PPP1R36: variants seen among roughly 807,000 people sequenced by gnomAD.
PPP1R36 encodes chromosome 14 open reading frame 50.
Under a neutral mutation model 53.4 loss-of-function variants are expected in PPP1R36, and 47 were observed. The observed-to-expected ratio is 0.88, with a 90% confidence interval of 0.70 to 1.12. PPP1R36 has a LOEUF of 1.12. Ranked by LOEUF, PPP1R36 falls within the 50% of genes most tolerant of loss-of-function variation. The pLI is 0.00. For missense variants in PPP1R36, 456 were observed against 513.9 expected (o/e 0.89, Z 1.09); for synonymous variants, 153 against 170.5 (o/e 0.90, Z 0.80).
chr14:64,550,003 C>G lies in PPP1R36; in HGVS notation c.6C>G (p.Tyr2Ter), dbSNP rs141338206. The change falls in exon 1 of 12, where the codon TAC becomes TAG. Residue 2 changes from tyrosine (Y) to a stop codon, truncating the protein, a stop_gained. Coordinates refer to ENST00000298705, the MANE Select transcript of PPP1R36 (RefSeq NM_172365.3). LOFTEE classifies it high-confidence loss of function. ...ATGGCTTCCAGGGCGAGGCCATGTA[C>G]CGGGTGCCCGAGTTTTATGCGAGGA... The part of the protein sequence containing the change: M[Y>*]RVPEFYARRK... The G allele has an allele frequency of 1.9e-6, 3 of 1,569,926 alleles. No individual in the cohort carries two copies. Among genetic ancestry groups the G allele is most frequent in the East Asian group, 4.7e-5 (2 of 42,314 alleles).
intron 6 of PPP1R36, among the ~76,000 whole-genome samples, chr14:64,566,468 C>T (rs1012247560): frequency 1.3e-5 from 2 of 151,256 alleles, no homozygotes; most frequent in African/African-American, 4.9e-5. Flanking sequence ...AAGATATACC[C>T]ATTTACTGAA....
At chr14:64,587,990 C>T (rs569964497) in intron 10 of PPP1R36, 114 bp from the exon 11 acceptor site, 9 of 990,522 alleles carry the variant, frequency 9.1e-6, no homozygotes, top group East Asian at 7.7e-5. Context: ...GTGATCCTCC[C>T]GCCTTGATCT....
intron 2 of PPP1R36, chr14:64,551,536 ACTAT>A: frequency 4.5e-6 from 2 of 449,404 alleles, no homozygotes; most frequent in South Asian, 1.6e-5. Context: ...AATACTAGAC[ACTAT>A]CTGTTGTGCA....
Position 64,572,446 on chromosome 14 carries a change from G to A in PPP1R36, c.534-2009G>A, listed in dbSNP as rs2080310484. Among the ~76,000 whole-genome samples the A allele has an allele frequency of 3.9e-5, 6 of 152,186 alleles. No homozygotes were observed. In the South Asian group the frequency reaches 1.0e-3, roughly 26 times the overall value. On this transcript the variant is annotated intron_variant, in intron 7 of 11. Coordinates refer to ENST00000298705, the MANE Select transcript of PPP1R36 (RefSeq NM_172365.3). ...AATGGTTTCCAGACACAGAAATGTG[G>A]TGCAAACAGGCCACCTCTGCCTGGA...
chr14:64,566,863 C>T (rs2080262168), intron 6 of PPP1R36, among the ~76,000 whole-genome samples: 1 of 152,200 alleles, frequency 6.6e-6, no homozygotes, highest in Non-Finnish European at 1.5e-5. Context: ...ATTCAGTGCC[C>T]TGCTGGTGGA....
At chr14:64,555,829 ATCT>A (rs375994282) in intron 3 of PPP1R36, among the ~76,000 whole-genome samples, 1,744 of 147,842 alleles carry the variant, frequency 0.012, 20 homozygotes, top group South Asian at 0.034. Context: ...AGCTTTCCAA[ATCT>A]TCTTCTGATT....
chr14:64,570,784 G>T (rs1430741805), intron 7 of PPP1R36, among the ~76,000 whole-genome samples: 1 of 152,216 alleles, frequency 6.6e-6, no homozygotes, highest in African/African-American at 2.4e-5. Context: ...AAAGGGTGAA[G>T]ATGGATGGCA....
chr14:64,585,237 C>T (rs1010279197), intron 8 of PPP1R36, among the ~76,000 whole-genome samples: 2 of 152,114 alleles, frequency 1.3e-5, no homozygotes, highest in Non-Finnish European at 2.9e-5. Context: ...AGAAGCAGGC[C>T]GGGCACCTTG....
At chr14:64,572,709 G>C (rs747865678) in intron 7 of PPP1R36, among the ~76,000 whole-genome samples, 2 of 152,226 alleles carry the variant, frequency 1.3e-5, no homozygotes, top group African/African-American at 4.8e-5. Context: ...TATCCCCAGT[G>C]ATTCTTTCAT....
intron 7 of PPP1R36, among the ~76,000 whole-genome samples, chr14:64,569,800 G>A (rs1288874901): frequency 6.6e-6 from 1 of 150,638 alleles, no homozygotes; most frequent in Non-Finnish European, 1.5e-5. Context: ...GTGCAGTGGT[G>A]CAATCTCGGC....
chr14:64,560,873 G>T (rs1193098236), intron 3 of PPP1R36, among the ~76,000 whole-genome samples: 1 of 152,198 alleles, frequency 6.6e-6, no homozygotes, highest in African/African-American at 2.4e-5. Flanking sequence ...TCTGAGCCTT[G>T]AATATAAATT....
intron 11 of PPP1R36, 130 bp from the exon 12 acceptor site, chr14:64,589,022 G>A (rs1456661050): frequency 3.3e-6 from 2 of 610,652 alleles, no homozygotes; most frequent in Admixed American, 7.3e-5. Flanking sequence ...TAAAAAGAGA[G>A]AAAGAGTATA....
rs760980169 is a variant in PPP1R36, at chr14:64,552,777, G to A, written c.135-37G>A. On this transcript the variant is annotated intron_variant, in intron 2 of 11. Coordinates refer to ENST00000298705, the MANE Select transcript of PPP1R36 (RefSeq NM_172365.3). ...GTATTTCAGTATTTCTGAGTAACCCGTCACTTCAAAGCAGTAATTTCAGTT... is the reference window on the plus strand; with the variant it reads ...GTATTTCAGTATTTCTGAGTAACCCATCACTTCAAAGCAGTAATTTCAGTT... 2.5e-5 allele frequency: 39 copies of A among 1,583,692 alleles called. No homozygotes were observed. In the South Asian group the frequency reaches 2.7e-4, roughly 11 times the overall value.
At chr14:64,573,519 G>A (rs144924180) in intron 7 of PPP1R36, among the ~76,000 whole-genome samples, 13 of 152,204 alleles carry the variant, frequency 8.5e-5, no homozygotes, top group African/African-American at 2.9e-4. Context: ...GCTGCTAACC[G>A]CCTGAGCAAC....
rs2080277468 is a variant in PPP1R36, at chr14:64,568,414, A to G, written c.500A>G (p.Asn167Ser). The G allele has an allele frequency of 1.3e-6, 2 of 1,564,350 alleles. No individual in the cohort carries two copies. The highest frequency in any genetic ancestry group is 1.7e-6 in the Non-Finnish European group (2 of 1,148,130). ...TACTTATCCCATTACTTGGAAAAAAACTCACTGGAAAAGAAACCCAAAAGC... is the reference window on the plus strand; with the variant it reads ...TACTTATCCCATTACTTGGAAAAAAGCTCACTGGAAAAGAAACCCAAAAGC... ...LYYLSHYLEKNSLEKKPKSYM... is the reference protein window; with the variant it reads ...LYYLSHYLEKSSLEKKPKSYM... Residue 167 changes from asparagine to serine, a missense_variant, in exon 7 of 12, where the codon AAC (asparagine) becomes AGC (serine). By Grantham distance (46) the Asn-to-Ser change is conservative. Transcript: ENST00000298705.
chr14:64,583,621 C>T (rs2080406870), intron 8 of PPP1R36, among the ~76,000 whole-genome samples: 1 of 151,934 alleles, frequency 6.6e-6, no homozygotes, highest in South Asian at 2.1e-4. Flanking sequence ...TTGAGACAGC[C>T]ATGACCAACA....
chr14:64,588,268 G>A lies in PPP1R36; in HGVS notation c.1055G>A (p.Gly352Glu), dbSNP rs148489050. 3 of 1,613,106 alleles carry A rather than the reference G, an allele frequency of 1.9e-6. No homozygotes were observed. Among genetic ancestry groups the A allele is most frequent in the Non-Finnish European group, 2.5e-6 (3 of 1,179,372 alleles). ...RFPAEMQKHV[G>E]TLDSVPMPVV... ...CCAGCCGAGATGCAAAAGCATGTGG[G>A]AACTCTGGACTCTGTGCCCATGCCG... Residue 352 changes from glycine (G) to glutamate (E), a missense_variant, in exon 11 of 12, where the codon GGA (glycine) becomes GAA (glutamate). Coordinates refer to ENST00000298705, the MANE Select transcript of PPP1R36 (RefSeq NM_172365.3).
In PPP1R36 at chr14:64,552,835, C is replaced by T; in HGVS notation, c.156C>T (p.Val52=). 3 of 1,613,810 alleles carry T rather than the reference C, an allele frequency of 1.9e-6. No homozygotes were observed. Among genetic ancestry groups the T allele is most frequent in the Non-Finnish European group, 2.5e-6 (3 of 1,179,756 alleles). Residue 52 remains valine, a synonymous_variant, in exon 3 of 12, where the codon GTC becomes GTT. Coordinates refer to ENST00000298705, the MANE Select transcript of PPP1R36 (RefSeq NM_172365.3). Reference sequence around the variant, plus strand: ...TCAGGTTTGCCGCAGAAGATTCTGTCCAGTGGCTCCTGAAACATCACCCTC... The same window carrying T: ...TCAGGTTTGCCGCAGAAGATTCTGTTCAGTGGCTCCTGAAACATCACCCTC... ...EFRRFAAEDS[V]QWLLKHHPHF...
chr14:64,553,376 G>A (rs940448301), intron 3 of PPP1R36, among the ~76,000 whole-genome samples: 14 of 152,160 alleles, frequency 9.2e-5, no homozygotes, highest in African/African-American at 2.7e-4. Context: ...TTTCATATTC[G>A]TGAAATATTC....
Sources: gnomAD v4.1 joint callset for allele counts (sites outside exome capture counted in the v4.1 genomes callset) on GRCh38, gnomAD v4.1.1 for gene constraint, MANE v1.5 for transcripts, NCBI Gene and HGNC (gene_info 2026-07-23, HGNC 2026-07-21) for gene names.